The following LPP variants were observed in gnomAD, a reference collection of about 807,000 sequenced individuals.
LPP encodes lipoma-preferred partner.
In LPP, 38 loss-of-function variants were observed where a neutral mutation model predicts 60.4. That is an observed-to-expected ratio of 0.63 (90% CI 0.49 to 0.83). The LOEUF is 0.83. LPP is among the 40% of genes least tolerant of loss of function. The pLI, the probability that LPP is intolerant of heterozygous loss-of-function variation, is 0.00. For synonymous variants in LPP, 328 were observed against 290.8 expected, an observed-to-expected ratio of 1.13 and a Z score of -1.30; for missense variants, 902 against 783.6, an observed-to-expected ratio of 1.15 and a Z score of -1.80.
At chr3:188,303,738 T>G (rs1471062777) in intron 2 of LPP, among the ~76,000 whole-genome samples, 1 of 152,166 alleles carries the variant, frequency 6.6e-6, no homozygotes, top group Non-Finnish European at 1.5e-5. Context: ...ACTTGCTTGA[T>G]CTTCAAAATC....
intron 1 of LPP, among the ~76,000 whole-genome samples, chr3:188,190,604 G>A (rs914177467): frequency 3.9e-5 from 6 of 152,216 alleles, no homozygotes; most frequent in African/African-American, 1.4e-4. Flanking sequence ...AGACAACAAA[G>A]TAAACAGGTG....
At chr3:188,602,143 A>ATATATATATAATATATATATAT (rs1841358917) in intron 6 of LPP, among the ~76,000 whole-genome samples, 1 of 128,394 alleles carries the variant, frequency 7.8e-6, no homozygotes, top group African/African-American at 2.8e-5. Context: ...TCTTAATCTC[A>ATATATATATAATATATATATAT]TATATATATA....
chr3:188,464,979 G>GA (rs35304055), intron 4 of LPP, among the ~76,000 whole-genome samples: 1,710 of 102,900 alleles, frequency 0.017, 24 homozygotes, highest in African/African-American at 0.037. Flanking sequence ...GCTTACTATG[G>GA]AAAAAAAAAA....
At chr3:188,652,360 C>G (rs189023257) in intron 7 of LPP, among the ~76,000 whole-genome samples, 109 of 152,260 alleles carry the variant, frequency 7.2e-4, no homozygotes, top group African/African-American at 2.4e-3. Flanking sequence ...TTTCTGTCCT[C>G]TTTTCCTTTC....
At position 188,885,828 on chromosome 3, in the gene LPP, A is replaced by C. The variant is rs1560351813; in HGVS notation, c.*11349A>C. The C allele has an allele frequency of 6.6e-6, 1 of 152,142 alleles. No individual in the cohort carries two copies. The highest frequency in any genetic ancestry group is 2.4e-5 in the African/African-American group (1 of 41,436). 9.4% of individuals were successfully genotyped at this position (152,142 alleles called of 1,614,324 possible). On this transcript the variant is annotated 3_prime_UTR_variant, in exon 12 of 12. Transcript: ENST00000617246. Reference sequence around the variant, plus strand: ...GTTTCCTGACTTTTTAATGATTGCCATTCTAACTGGTGTGAGATGGTATCT... The same window carrying C: ...GTTTCCTGACTTTTTAATGATTGCCCTTCTAACTGGTGTGAGATGGTATCT...
chr3:188,372,412 T>G (rs2151084735), intron 3 of LPP, among the ~76,000 whole-genome samples: 1 of 152,276 alleles, frequency 6.6e-6, no homozygotes, highest in Admixed American at 6.5e-5. Flanking sequence ...TTAAATAACA[T>G]GAAAATAAAC....
chr3:188,430,533 A>G (rs1400753238), intron 4 of LPP, among the ~76,000 whole-genome samples: 2 of 152,192 alleles, frequency 1.3e-5, no homozygotes, highest in Non-Finnish European at 2.9e-5. Flanking sequence ...CTATACAATT[A>G]AGATGATGAA....
At chr3:188,368,121 T>C (rs971767767) in intron 3 of LPP, among the ~76,000 whole-genome samples, 1 of 152,152 alleles carries the variant, frequency 6.6e-6, no homozygotes, top group East Asian at 1.9e-4. Flanking sequence ...TTTCAGAGCT[T>C]AATAATTGTA....
At chr3:188,457,495 A>G (rs1226324798) in intron 4 of LPP, among the ~76,000 whole-genome samples, 1 of 152,032 alleles carries the variant, frequency 6.6e-6, no homozygotes, top group African/African-American at 2.4e-5. Flanking sequence ...GCGGAGTACT[A>G]GCTCTTCACT....
At chr3:188,290,074 G>T (rs1745421458) in intron 2 of LPP, among the ~76,000 whole-genome samples, 1 of 151,994 alleles carries the variant, frequency 6.6e-6, no homozygotes, top group Non-Finnish European at 1.5e-5. Flanking sequence ...CCGGGTTCAA[G>T]TGATTCTCCT....
chr3:188,228,853 G>A (rs967108334), intron 2 of LPP, among the ~76,000 whole-genome samples: 4 of 152,180 alleles, frequency 2.6e-5, no homozygotes, highest in African/African-American at 4.8e-5. Flanking sequence ...TAGAGCAAGT[G>A]CATTGTTAAA....
intron 3 of LPP, among the ~76,000 whole-genome samples, chr3:188,366,607 A>G (rs940344373): frequency 6.6e-6 from 1 of 152,124 alleles, no homozygotes; most frequent in African/African-American, 2.4e-5. Flanking sequence ...GTTGTTTAGA[A>G]GTTTCTGAGA....
chr3:188,293,923 G>A (rs1445506827), intron 2 of LPP, among the ~76,000 whole-genome samples: 1 of 151,792 alleles, frequency 6.6e-6, no homozygotes, highest in Non-Finnish European at 1.5e-5. Context: ...AAAATCAGTT[G>A]GGCGTAGTAG....
chr3:188,644,011 T>C (rs1850668325), intron 7 of LPP, among the ~76,000 whole-genome samples: 3 of 152,206 alleles, frequency 2.0e-5, no homozygotes. Context: ...AATATTGAAC[T>C]ATAAGGCAGT....
Position 188,564,042 on chromosome 3 carries a change from A to C in LPP, c.429+39255A>C, listed in dbSNP as rs984530734. Among the ~76,000 whole-genome samples, 5 of 152,144 alleles carry C rather than the reference A, an allele frequency of 3.3e-5. No individual in the cohort carries two copies. The East Asian group carries it at 9.7e-4, about 30-fold the overall frequency. ...TTCGCTGAGATAGAATAAGGTACTT[A>C]ACGCAATAAAAATAACTACCATAAT... On this transcript the variant is annotated intron_variant, in intron 6 of 11. Coordinates refer to ENST00000617246, the MANE Select transcript of LPP (RefSeq NM_001375462.1).
chr3:188,459,883 A>T (rs1193605016), intron 4 of LPP, among the ~76,000 whole-genome samples: 1 of 152,070 alleles, frequency 6.6e-6, no homozygotes, highest in Non-Finnish European at 1.5e-5. Flanking sequence ...TGCCCTGGTT[A>T]TATGTCCATG....
chr3:188,407,299 C>T (rs1783739328), intron 4 of LPP, among the ~76,000 whole-genome samples: 1 of 152,080 alleles, frequency 6.6e-6, no homozygotes, highest in South Asian at 2.1e-4. Flanking sequence ...TGATATAGTC[C>T]AGTCCTCCTC....
rs372925951 is a variant in LPP, at chr3:188,549,622, C to T, written c.429+24835C>T. 1.2e-4 allele frequency among the ~76,000 whole-genome samples: 19 copies of T among 152,270 alleles called. No homozygotes were observed. The East Asian group carries it at 3.7e-3, about 29-fold the overall frequency. The stretch of plus-strand genomic sequence containing the variant: ...GTAGCATTGTGCTTTATCTCCTTGT[C>T]TCCAGAGTACAAGATCTTGGTAAGA... On this transcript the variant is annotated intron_variant, in intron 6 of 11. Transcript: ENST00000617246.
intron 7 of LPP, among the ~76,000 whole-genome samples, chr3:188,622,384 G>A (rs1443008337): frequency 1.3e-5 from 2 of 152,026 alleles, no homozygotes; most frequent in African/African-American, 2.4e-5. Flanking sequence ...GACTTTTTAC[G>A]TAGCACATGA....
Sources: allele counts gnomAD v4.1 joint callset (sites outside exome capture counted in the v4.1 genomes callset), GRCh38; gene constraint gnomAD v4.1.1; transcripts MANE v1.5; gene names NCBI Gene and HGNC (gene_info 2026-07-23, HGNC 2026-07-21).